HHIPL2: variants seen among roughly 807,000 people sequenced by gnomAD.
The protein encoded by HHIPL2 is HHIP like 2, also known as HHIP-like protein 2.
A neutral mutation model predicts 61.0 loss-of-function variants in HHIPL2; 61 were observed. The ratio of observed to expected loss-of-function variants is 1.00; its 90% CI spans 0.81 to 1.24. The LOEUF is 1.24. Among genes scored for constraint, HHIPL2 ranks in the 50% most tolerant of loss-of-function variants. The pLI is 0.00. For synonymous variants in HHIPL2, 343 were observed against 357.4 expected, an observed-to-expected ratio of 0.96 and a Z score of 0.45; for missense variants, 885 against 910.2, an observed-to-expected ratio of 0.97 and a Z score of 0.36.
Position 222,543,485 on chromosome 1 carries a change from G to A in HHIPL2, c.974+52C>T, listed in dbSNP as rs966893324. On this transcript the variant is annotated intron_variant, in intron 2 of 8. Transcript: ENST00000343410. Reference sequence around the variant, plus strand: ...CCTCTATTATCTCGCAGACCTGGTTGGCATTATTTCGGAACACAGTACAGC... The same window carrying A: ...CCTCTATTATCTCGCAGACCTGGTTAGCATTATTTCGGAACACAGTACAGC... 9 of 1,496,786 alleles carry A rather than the reference G, an allele frequency of 6.0e-6. No individual in the cohort carries two copies. The East Asian group carries it at 1.8e-4, about 30-fold the overall frequency. 92.7% of individuals were successfully genotyped at this position (1,496,786 alleles called of 1,614,324 possible).
intron 5 of HHIPL2, among the ~76,000 whole-genome samples, chr1:222,534,449 T>C (rs1443380262): frequency 1.3e-5 from 2 of 152,062 alleles, no homozygotes; most frequent in East Asian, 1.9e-4. Flanking sequence ...TGGTGGCGGA[T>C]GCCTGTAGTC....
chr1:222,532,229 ATAAC>A lies in HHIPL2; in HGVS notation c.1578-122_1578-119del, dbSNP rs1369306348. ...GACTGAGTCCCCCATTAAGAGATCAATAACTAGCCTGCCTCCAAGCAACCAAAAA... is the reference window on the plus strand; with the variant it reads ...GACTGAGTCCCCCATTAAGAGATCAATAGCCTGCCTCCAAGCAACCAAAAA... On this transcript the variant is annotated intron_variant, in intron 5 of 8. Transcript: ENST00000343410. 4 of 844,706 alleles carry A rather than the reference ATAAC, an allele frequency of 4.7e-6. No individual in the cohort carries two copies. In the African/African-American group the frequency reaches 6.8e-5, roughly 14 times the overall value. 52.3% of individuals were successfully genotyped at this position (844,706 alleles called of 1,614,324 possible).
At chr1:222,525,342 AC>A (rs1659040096) in intron 7 of HHIPL2, 1 of 152,046 alleles carries the variant, frequency 6.6e-6, no homozygotes, top group South Asian at 2.1e-4. Flanking sequence ...CATCCCCTAA[AC>A]CCAGGAGAAG....
chr1:222,526,155 C>T lies in HHIPL2; in HGVS notation c.1805+814G>A, dbSNP rs139546872. Among the ~76,000 whole-genome samples, 950 of 152,220 alleles carry T rather than the reference C, an allele frequency of 6.2e-3. 7 individuals carry two copies. The highest frequency in any genetic ancestry group is 0.011 in the Non-Finnish European group (754 of 68,014). On this transcript the variant is annotated intron_variant, in intron 7 of 8. Transcript: ENST00000343410. ...AGTGGTATTGTGGCTTTTGCCTGTGCTGGTGGAGGTTGGTCAGCCTCTGAG... is the reference window on the plus strand; with the variant it reads ...AGTGGTATTGTGGCTTTTGCCTGTGTTGGTGGAGGTTGGTCAGCCTCTGAG...
chr1:222,535,567 G>A (rs1388733086), intron 5 of HHIPL2, among the ~76,000 whole-genome samples: 1 of 152,078 alleles, frequency 6.6e-6, no homozygotes, highest in African/African-American at 2.4e-5. Context: ...CCCTCCAGAC[G>A]CTCTGGAGGA....
intron 1 of HHIPL2, among the ~76,000 whole-genome samples, chr1:222,546,136 T>C (rs1460841734): frequency 1.3e-5 from 2 of 152,158 alleles, no homozygotes; most frequent in Non-Finnish European, 2.9e-5. Context: ...TCTACATTGA[T>C]TGGGATGCAG....
At chr1:222,523,032 G>A (rs1425570029) in intron 8 of HHIPL2, 145 bp from the exon 9 acceptor site, 1 of 652,712 alleles carries the variant, frequency 1.5e-6, no homozygotes, top group Non-Finnish European at 2.4e-6. Context: ...CTAAATATAT[G>A]ACTTTTTTAG....
chr1:222,528,149 C>A (rs1659108854), intron 6 of HHIPL2, among the ~76,000 whole-genome samples: 2 of 152,134 alleles, frequency 1.3e-5, no homozygotes, highest in African/African-American at 4.8e-5. Context: ...GTCATGAGCC[C>A]CAGTGGAGAG....
chr1:222,542,528 CTTTTTTTT>C (rs772394115), intron 2 of HHIPL2, among the ~76,000 whole-genome samples: 1 of 97,178 alleles, frequency 1.0e-5, no homozygotes, highest in Non-Finnish European at 1.9e-5. Flanking sequence ...CCACATCTGG[CTTTTTTTT>C]TTTTTTTTTT....
At chr1:222,531,278 AC>A (rs1331747147) in intron 6 of HHIPL2, among the ~76,000 whole-genome samples, 31 of 152,326 alleles carry the variant, frequency 2.0e-4, no homozygotes, top group Non-Finnish European at 3.8e-4. Context: ...CCCAGACAGC[AC>A]CGGCAGCATA....
intron 2 of HHIPL2, 67 bp downstream of exon 2, chr1:222,543,470 C>T (rs570123893): frequency 4.9e-6 from 7 of 1,435,224 alleles, no homozygotes; most frequent in Middle Eastern, 1.8e-4. Context: ...CCTCTATTAT[C>T]TCGCAGACCT....
intron 1 of HHIPL2, 79 bp from the exon 2 acceptor site, chr1:222,544,268 A>G: frequency 6.8e-7 from 1 of 1,460,890 alleles, no homozygotes; most frequent in Non-Finnish European, 9.2e-7. Context: ...GCAAGCAGAA[A>G]GAAAAAATGG....
chr1:222,523,841 T>C (rs929585978), intron 7 of HHIPL2, 147 bp from the exon 8 acceptor site: 4 of 708,284 alleles, frequency 5.6e-6, no homozygotes, highest in African/African-American at 5.3e-5. Context: ...GGAAATATGC[T>C]ATGAGCTCAG....
intron 5 of HHIPL2, among the ~76,000 whole-genome samples, chr1:222,538,415 GAGAGAGAC>G (rs1166052389): frequency 1.5e-4 from 18 of 119,604 alleles, no homozygotes; most frequent in African/African-American, 4.3e-4. Context: ...CCTGGTATGA[GAGAGAGAC>G]AGAGAGAGAG....
intron 2 of HHIPL2, among the ~76,000 whole-genome samples, chr1:222,542,691 T>C (rs1185271962): frequency 6.6e-6 from 1 of 151,972 alleles, no homozygotes. Context: ...CCACCATGCC[T>C]GGCTAATTTT....
Position 222,532,002 on chromosome 1 carries a change from T to C in HHIPL2, c.1687A>G (p.Ser563Gly). 1 of 1,611,622 alleles carries C rather than the reference T, an allele frequency of 6.2e-7. No homozygotes were observed. The highest frequency in any genetic ancestry group is 1.3e-5 in the African/African-American group (1 of 75,052). ...CAFPGLISTH[S>G]KFIISFAEDE... is the part of the protein sequence containing the mutation. The stretch of plus-strand genomic sequence containing the variant: ...TCAGCAAAGGAGATGATGAACTTGC[T>C]ATGGGTGCTGATCAGCCCTGGGAAG... Residue 563 changes from serine (S) to glycine (G), a missense_variant, in exon 6 of 9, where the codon AGC (serine) becomes GGC (glycine). By Grantham distance (56) the Ser-to-Gly change is moderately conservative. Transcript: ENST00000343410.
chr1:222,539,476 G>A (rs1210321658), intron 4 of HHIPL2, among the ~76,000 whole-genome samples: 1 of 141,640 alleles, frequency 7.1e-6, no homozygotes, highest in African/African-American at 2.7e-5. Context: ...GTTGCAGTGA[G>A]CTGAGATCAT....
In HHIPL2 at chr1:222,548,033, C is replaced by G. The variant is rs751138574; in HGVS notation, c.12G>C (p.Thr4=). ...GACCACCACACAGATTAGGAGTGGA[C>G]GTTCTCAGCATTTTGGCCTTGGGAA... MLR[T]STPNLCGGLH... The change falls in exon 1 of 9, where the codon ACG becomes ACC. Residue 4 remains threonine, a synonymous_variant. Transcript: ENST00000343410. 1.8e-5 allele frequency: 28 copies of G among 1,553,902 alleles called. No homozygotes were observed. The highest frequency in any genetic ancestry group is 2.7e-5 in the African/African-American group (2 of 73,302).
chr1:222,545,207 C>A (rs1344840130), intron 1 of HHIPL2, among the ~76,000 whole-genome samples: 22 of 152,286 alleles, frequency 1.4e-4, no homozygotes, highest in Admixed American at 7.2e-4. Flanking sequence ...GCAGAGTTCA[C>A]CCATTGGCCC....
Sources: gnomAD v4.1 joint callset for allele counts (sites outside exome capture counted in the v4.1 genomes callset) on GRCh38, gnomAD v4.1.1 for gene constraint, MANE v1.5 for transcripts, NCBI Gene and HGNC (gene_info 2026-07-23, HGNC 2026-07-21) for gene names.